The following COMMD5 variants were observed in gnomAD, a reference collection of about 807,000 sequenced individuals.
COMMD5 encodes the protein COMM domain-containing protein 5.
COMMD5 carries 10 observed loss-of-function variants against 6.9 expected under a neutral mutation model. The ratio of observed to expected loss-of-function variants is 1.44; its 90% CI spans 0.89 to 2.45. The LOEUF (loss-of-function observed/expected upper bound fraction) is 2.45, where lower values mean the gene tolerates loss of function less well. Among genes scored for constraint, COMMD5 ranks in the 30% most tolerant of loss-of-function variants. The pLI is 0.00. For missense variants in COMMD5, 234 were observed against 287.8 expected, an observed-to-expected ratio of 0.81 and a Z score of 1.35; for synonymous variants, 127 against 125.3, an observed-to-expected ratio of 1.01 and a Z score of -0.09.
At chr8:144,838,754 A>G, downstream of COMMD5, 1 of 152,404 alleles carries the variant, frequency 6.6e-6, no homozygotes. Context: ...CATCCTGGCC[A>G]ACACGGTGAA....
intron 1 of COMMD5, chr8:144,842,254 A>T (rs1830031062): frequency 1.2e-6 from 2 of 1,614,184 alleles, no homozygotes; most frequent in South Asian, 2.2e-5. Flanking sequence ...GCATCAAAGG[A>T]TGCATACTGG....
chr8:144,847,646 T>C (rs1735399), downstream of COMMD5: 54,028 of 151,742 alleles, frequency 0.36, 9,681 homozygotes, highest in South Asian at 0.45. Flanking sequence ...TTATAAATCC[T>C]CAAGTCCCCA....
At chr8:144,846,092 C>A, downstream of COMMD5, 1 of 1,536,252 alleles carries the variant, frequency 6.5e-7, no homozygotes, top group Non-Finnish European at 8.7e-7. Context: ...CCTGCCTCCT[C>A]CTGGGCTCTC....
chr8:144,851,041 G>A lies in COMMD5; in HGVS notation c.298C>T (p.Pro100Ser), dbSNP rs757884937. The change falls in exon 2 of 2, where the codon CCC (proline) becomes TCC (serine). Residue 100 changes from proline (P) to serine (S), a missense_variant. Pro to Ser is a moderately conservative substitution (Grantham distance 74, BLOSUM62 -1). Coordinates refer to ENST00000305103, the MANE Select transcript of COMMD5 (RefSeq NM_014066.4). ...GTGTCAGGCTTCAGGCTGGTGGGGG[G>A]CAGACGGAGGGCCTGCTGGAGCAGT... is the stretch of plus-strand genomic sequence containing the variant. ...HTLLQQALRL[P>S]PTSLKPDTFR... is the part of the protein sequence containing the mutation. 6.2e-6 allele frequency: 10 copies of A among 1,612,398 alleles called. No homozygotes were observed. In the African/African-American group the frequency reaches 1.2e-4, roughly 19 times the overall value.
At chr8:144,848,446 G>A (rs1246625592), downstream of COMMD5, among the ~76,000 whole-genome samples, 2 of 149,946 alleles carry the variant, frequency 1.3e-5, no homozygotes, top group Non-Finnish European at 3.0e-5. Context: ...GCAATGAGTC[G>A]AGATCGTGCC....
At chr8:144,841,948 A>C in intron 1 of COMMD5, 1 of 1,614,108 alleles carries the variant, frequency 6.2e-7, no homozygotes, top group East Asian at 2.2e-5. Context: ...CTTTAAATGC[A>C]CTGAGTGTGG....
chr8:144,838,122 C>T, downstream of COMMD5: 2 of 703,008 alleles, frequency 2.8e-6, no homozygotes, highest in Admixed American at 4.0e-5. Context: ...GGTTTTCTGG[C>T]AGTCCTTGGG....
intron 1 of COMMD5, among the ~76,000 whole-genome samples, chr8:144,851,938 G>A (rs1830765352): frequency 6.6e-6 from 1 of 152,094 alleles, no homozygotes; most frequent in African/African-American, 2.4e-5. Flanking sequence ...AGGAGTTGGA[G>A]ACCAACCTGG....
At chr8:144,852,016 G>A (rs1830769402) in intron 1 of COMMD5, among the ~76,000 whole-genome samples, 1 of 151,998 alleles carries the variant, frequency 6.6e-6, no homozygotes, top group African/African-American at 2.4e-5. Flanking sequence ...GTGCACGTCT[G>A]TAGTCCCAGC....
Position 144,850,497 on chromosome 8 carries a change from C to T in COMMD5, c.*167G>A. 1.3e-6 allele frequency: 1 copy of T among 762,926 alleles called. No individual in the cohort carries two copies. The highest frequency in any genetic ancestry group is 2.0e-6 in the Non-Finnish European group (1 of 490,982). 47.3% of individuals were successfully genotyped at this position (762,926 alleles called of 1,614,324 possible). A position where few individuals can be genotyped will look rare whatever the true frequency, so the allele number is the denominator to read the frequency against. On this transcript the variant is annotated 3_prime_UTR_variant, in exon 2 of 2. Coordinates refer to ENST00000305103, the MANE Select transcript of COMMD5 (RefSeq NM_014066.4). The surrounding 1 kb of genome is among the most constrained non-coding windows in gnomAD (Gnocchi z 4.0). ...CTTCCAAAAAGAAAAAAAGGCATAG[C>T]TCTCTTTTTCAATTAAACAGAAAAC...
intron 1 of COMMD5, chr8:144,843,064 C>G (rs750649043): frequency 1.9e-5 from 30 of 1,614,040 alleles, no homozygotes; most frequent in Non-Finnish European, 2.5e-5. Context: ...AATTATACAC[C>G]AGAGAATTCA....
At chr8:144,847,871 GA>G (rs1830586669), downstream of COMMD5, among the ~76,000 whole-genome samples, 1 of 152,190 alleles carries the variant, frequency 6.6e-6, no homozygotes, top group South Asian at 2.1e-4. Context: ...AAGCCACGGG[GA>G]CAAAGATGGA....
At chr8:144,849,993 C>G (rs951506945), downstream of COMMD5, among the ~76,000 whole-genome samples, 1 of 152,060 alleles carries the variant, frequency 6.6e-6, no homozygotes, top group Non-Finnish European at 1.5e-5. Context: ...TTAAGCACGT[C>G]AGGCCTCCCC....
At chr8:144,838,045 A>G (rs1336635588), downstream of COMMD5, 4 of 694,154 alleles carry the variant, frequency 5.8e-6, no homozygotes, top group Non-Finnish European at 5.2e-6. Flanking sequence ...GGGGTCAGCA[A>G]GCAGGGCCGT....
chr8:144,838,059 C>CT (rs1190809467), downstream of COMMD5: 1 of 702,712 alleles, frequency 1.4e-6, no homozygotes, highest in African/African-American at 1.7e-5. Context: ...GGGCCGTGCC[C>CT]CCCTGTGAAG....
downstream of COMMD5, chr8:144,846,464 C>T (rs983363890): frequency 3.1e-6 from 1 of 323,090 alleles, no homozygotes; most frequent in Non-Finnish European, 5.8e-6. Context: ...CATGGAGCCT[C>T]TGGCGGCTTT....
downstream of COMMD5, chr8:144,846,197 T>C (rs1042583010): frequency 5.9e-6 from 9 of 1,535,216 alleles, no homozygotes; most frequent in African/African-American, 1.1e-4. Flanking sequence ...GATTCTGTGC[T>C]AACCATAATG....
Position 144,842,367 on chromosome 8 carries a change from A to G in COMMD5, c.*117-624T>C, listed in dbSNP as rs557408119. ...CATTTAAGTGTGATGAGTGTGGGAA[A>G]GCTTTTAGGTGGATCTCTCGCCTGA... On this transcript the variant is annotated intron_variant and NMD_transcript_variant, in intron 1 of 1. Transcript: ENST00000530332. 20 of 1,614,086 alleles carry G rather than the reference A, an allele frequency of 1.2e-5. No individual in the cohort carries two copies. The East Asian group carries it at 2.5e-4, about 20-fold the overall frequency.
At chr8:144,843,341 G>A in intron 1 of COMMD5, 2 of 783,886 alleles carry the variant, frequency 2.6e-6, no homozygotes, top group Non-Finnish European at 3.8e-6. Flanking sequence ...TGTCATCCCA[G>A]CACTTTGGGA....
Sources: allele counts gnomAD v4.1 joint callset (sites outside exome capture counted in the v4.1 genomes callset), GRCh38; gene constraint gnomAD v4.1.1; non-coding constraint Gnocchi (gnomAD v3.1); transcripts MANE v1.5; gene names NCBI Gene and HGNC (gene_info 2026-07-23, HGNC 2026-07-21).